The following ALG14 variants were observed in gnomAD, a reference collection of about 807,000 sequenced individuals.
ALG14 encodes the protein ALG14 UDP-N-acetylglucosaminyltransferase subunit, also known as UDP-N-acetylglucosamine transferase subunit ALG14.
A neutral mutation model predicts 22.8 loss-of-function variants in ALG14; 17 were observed. The ratio of observed to expected loss-of-function variants is 0.75; its 90% CI spans 0.51 to 1.12. The LOEUF is 1.12. ALG14 is among the 50% of genes most tolerant of loss of function. The pLI, the probability that ALG14 is intolerant of heterozygous loss-of-function variation, is 0.00. For synonymous variants in ALG14, 89 were observed against 103.7 expected (o/e 0.86, Z 0.86); for missense variants, 288 against 271.8 (o/e 1.06, Z -0.42).
intron 3 of ALG14, among the ~76,000 whole-genome samples, chr1:94,985,876 C>T (rs1485517375): frequency 6.6e-6 from 1 of 151,298 alleles, no homozygotes; most frequent in Non-Finnish European, 1.5e-5. Flanking sequence ...AACCACAAAC[C>T]CATAAATCAA....
chr1:94,995,274 T>C (rs1023297764), intron 3 of ALG14, among the ~76,000 whole-genome samples: 1 of 152,196 alleles, frequency 6.6e-6, no homozygotes, highest in Non-Finnish European at 1.5e-5. Context: ...TGCATGTGTG[T>C]GTGTTTATGT....
chr1:95,012,833 T>C lies in ALG14; in HGVS notation c.420+14296A>G, dbSNP rs1000454625. ...TCAAGTCTTTCTTGTATTTGTCCTG[T>C]TGAAACAATGAAAAACAGGTCAGGC... On this transcript the variant is annotated intron_variant, in intron 3 of 3. Coordinates refer to ENST00000370205, the MANE Select transcript of ALG14 (RefSeq NM_144988.4). Among the ~76,000 whole-genome samples, 18 of 152,230 alleles carry C rather than the reference T, an allele frequency of 1.2e-4. No homozygotes were observed. The South Asian group carries it at 3.7e-3, about 32-fold the overall frequency.
chr1:95,066,474 C>T (rs1308054425), intron 1 of ALG14, among the ~76,000 whole-genome samples: 4 of 152,142 alleles, frequency 2.6e-5, no homozygotes, highest in African/African-American at 4.8e-5. Flanking sequence ...TCCACCCACT[C>T]GGCCTCCCAA....
At chr1:94,999,342 CA>C (rs1405944228) in intron 3 of ALG14, among the ~76,000 whole-genome samples, 8 of 139,492 alleles carry the variant, frequency 5.7e-5, no homozygotes, top group South Asian at 2.3e-4. Context: ...TCAGTAGACC[CA>C]TTTTTTTTTT....
chr1:95,052,080 C>T (rs1465510401), intron 2 of ALG14, among the ~76,000 whole-genome samples: 1 of 152,104 alleles, frequency 6.6e-6, no homozygotes, highest in Admixed American at 6.5e-5. Context: ...TTTGTGAATG[C>T]TAAACTTTGT....
Position 94,978,387 on chromosome 1 carries a change from C to T in ALG14, c.*4689G>A, listed in dbSNP as rs895200841. 2 of 152,108 alleles carry T rather than the reference C, an allele frequency of 1.3e-5. No homozygotes were observed. Among genetic ancestry groups the T allele is most frequent in the Non-Finnish European group, 2.9e-5 (2 of 68,042 alleles). The allele number at this position is 152,108 out of a possible 1,614,324, so 9.4% of individuals were successfully genotyped here. A position where few individuals can be genotyped will look rare whatever the true frequency, so the allele number is the denominator to read the frequency against. Reference sequence around the variant, plus strand: ...AATAATTTATGTATTTAATTAGTGCCTATGTTTTGTACAGAGCTGTGGTGT... The same window carrying T: ...AATAATTTATGTATTTAATTAGTGCTTATGTTTTGTACAGAGCTGTGGTGT... On this transcript the variant is annotated 3_prime_UTR_variant, in exon 4 of 4. Transcript: ENST00000370205.
intron 2 of ALG14, among the ~76,000 whole-genome samples, chr1:95,058,697 A>AT (rs1440738515): frequency 7.2e-5 from 11 of 151,850 alleles, no homozygotes; most frequent in Admixed American, 3.9e-4. Context: ...TTCTCAAAAA[A>AT]AAAAAAATAC....
At chr1:95,043,784 A>AGG (rs1421914070) in intron 2 of ALG14, among the ~76,000 whole-genome samples, 3 of 151,560 alleles carry the variant, frequency 2.0e-5, no homozygotes, top group Non-Finnish European at 2.9e-5. Flanking sequence ...GAGGAGGGGG[A>AGG]GAGAGGAGAG....
At chr1:95,057,055 C>CA (rs199574536) in intron 2 of ALG14, among the ~76,000 whole-genome samples, 40,102 of 100,490 alleles carry the variant, frequency 0.4, 6,962 homozygotes, top group South Asian at 0.49. Flanking sequence ...GATTCTGGCT[C>CA]AAAAAAAAAA....
intron 2 of ALG14, among the ~76,000 whole-genome samples, chr1:95,060,129 A>AACACAC (rs60558070): frequency 5.6e-5 from 8 of 143,052 alleles, no homozygotes; most frequent in East Asian, 2.3e-4. Context: ...TACACACACA[A>AACACAC]ACACACACAC....
chr1:95,037,849 T>C (rs748932779), intron 2 of ALG14, among the ~76,000 whole-genome samples: 1 of 152,200 alleles, frequency 6.6e-6, no homozygotes, highest in Non-Finnish European at 1.5e-5. Flanking sequence ...CATGGATTCA[T>C]TCACTTGTTT....
At chr1:95,048,944 T>C (rs1407568313) in intron 2 of ALG14, among the ~76,000 whole-genome samples, 1 of 152,180 alleles carries the variant, frequency 6.6e-6, no homozygotes, top group Non-Finnish European at 1.5e-5. Flanking sequence ...AGGAGTATTA[T>C]TTGCCTTTAC....
At chr1:95,048,711 T>C (rs963743934) in intron 2 of ALG14, among the ~76,000 whole-genome samples, 2 of 152,212 alleles carry the variant, frequency 1.3e-5, no homozygotes, top group Non-Finnish European at 2.9e-5. Flanking sequence ...ACTTTAGAAC[T>C]AATCCCAGTG....
Position 95,064,842 on chromosome 1 carries a change from TTAGAAA to T in ALG14, c.288+18_288+23del, listed in dbSNP as rs761501111. 8.1e-6 allele frequency: 13 copies of T among 1,597,482 alleles called. No homozygotes were observed. The African/African-American group carries it at 1.3e-4, about 17-fold the overall frequency. ...ACTCAATGTGCAACTTGTAATTTTC[TTAGAAA>T]TAGAAATTGTCACTTACCATGTTAC... On this transcript the variant is annotated intron_variant, in intron 2 of 3. Coordinates refer to ENST00000370205, the MANE Select transcript of ALG14 (RefSeq NM_144988.4).
chr1:94,976,854 A>C lies in ALG14; in HGVS notation c.*6222T>G, dbSNP rs944900309. On this transcript the variant is annotated 3_prime_UTR_variant, in exon 4 of 4. Transcript: ENST00000370205. ...GCAAAAGGGACGTAATTATGATCCT[A>C]ATCAGTTGACCTTGAATTAATCAAA... The C allele has an allele frequency of 1.3e-5, 2 of 152,168 alleles. No homozygotes were observed. Among genetic ancestry groups the C allele is most frequent in the Admixed American group, 1.3e-4 (2 of 15,272 alleles). The allele number at this position is 152,168 out of a possible 1,614,324, so 9.4% of individuals were successfully genotyped here. A position where few individuals can be genotyped will look rare whatever the true frequency, so the allele number is the denominator to read the frequency against.
rs1672375739 is a variant in ALG14, at chr1:94,975,493, G to C, written c.*7583C>G. 1 of 152,168 alleles carries C rather than the reference G, an allele frequency of 6.6e-6. No homozygotes were observed. Among genetic ancestry groups the C allele is most frequent in the South Asian group, 2.1e-4 (1 of 4,832 alleles). The allele number at this position is 152,168 out of a possible 1,614,324, so 9.4% of individuals were successfully genotyped here. On this transcript the variant is annotated 3_prime_UTR_variant, in exon 4 of 4. Transcript: ENST00000370205. ...GTAAATACATGTTTTTAATTCTCCA[G>C]GGTATACACCTATGGGTAGAATTTC...
At chr1:94,994,854 C>T (rs1450681910) in intron 3 of ALG14, among the ~76,000 whole-genome samples, 1 of 152,144 alleles carries the variant, frequency 6.6e-6, no homozygotes. Flanking sequence ...ATAGAGATAT[C>T]AGTAGCAGAC....
chr1:95,056,642 C>CA (rs201059805), intron 2 of ALG14, among the ~76,000 whole-genome samples: 2,926 of 150,890 alleles, frequency 0.019, 51 homozygotes, highest in Non-Finnish European at 0.029. Context: ...GACACTGTCT[C>CA]AAAAAAAGAA....
chr1:95,058,896 T>C (rs1429662336), intron 2 of ALG14, among the ~76,000 whole-genome samples: 1 of 151,968 alleles, frequency 6.6e-6, no homozygotes, highest in African/African-American at 2.4e-5. Context: ...TTATTTTTTT[T>C]CCTCTCATTC....
Sources: allele counts gnomAD v4.1 joint callset (sites outside exome capture counted in the v4.1 genomes callset), GRCh38; gene constraint gnomAD v4.1.1; transcripts MANE v1.5; gene names NCBI Gene and HGNC (gene_info 2026-07-23, HGNC 2026-07-21).